GRM3: variants seen among roughly 807,000 people sequenced by gnomAD.
The protein encoded by GRM3 is metabotropic glutamate receptor 3.
GRM3 carries 26 observed loss-of-function variants against 70.5 expected under a neutral mutation model. That is an observed-to-expected ratio of 0.37 (90% CI 0.27 to 0.51). The LOEUF is 0.51. Among genes scored for constraint, GRM3 ranks in the 20% least tolerant of loss-of-function variants. The pLI, the probability that GRM3 is intolerant of heterozygous loss-of-function variation, is 0.93. For missense variants in GRM3, 859 were observed against 1,123.8 expected (o/e 0.76, Z 3.37); for synonymous variants, 443 against 434.9 (o/e 1.02, Z -0.23).
At chr7:86,768,952 AT>A (rs1796672855) in intron 2 of GRM3, among the ~76,000 whole-genome samples, 1 of 152,194 alleles carries the variant, frequency 6.6e-6, no homozygotes, top group African/African-American at 2.4e-5. Flanking sequence ...GTAGCTAAGA[AT>A]TAAAGTGTGT....
At chr7:86,719,550 T>C (rs1395838989) in intron 1 of GRM3, among the ~76,000 whole-genome samples, 1 of 152,014 alleles carries the variant, frequency 6.6e-6, no homozygotes, top group Non-Finnish European at 1.5e-5. Context: ...GGTGGACTTA[T>C]TGGGTCTAGA....
intron 1 of GRM3, among the ~76,000 whole-genome samples, chr7:86,676,971 G>C (rs1794321875): frequency 6.6e-6 from 1 of 151,850 alleles, no homozygotes; most frequent in Non-Finnish European, 1.5e-5. Context: ...ACAACAGTAG[G>C]TACCAAGGCC....
In GRM3 at chr7:86,799,166, G is replaced by A. The variant is rs1258448962; in HGVS notation, c.1324+12050G>A. Among the ~76,000 whole-genome samples the A allele has an allele frequency of 2.0e-5, 3 of 152,100 alleles. No homozygotes were observed. In the East Asian group the frequency reaches 5.8e-4, roughly 29 times the overall value. ...TTGGCTCTCTGCTCATCTATTGTTG[G>A]TGTATAGGAATGCTTGTGATTTTTG... On this transcript the variant is annotated intron_variant, in intron 3 of 5. Coordinates refer to ENST00000361669, the MANE Select transcript of GRM3 (RefSeq NM_000840.3).
intron 3 of GRM3, among the ~76,000 whole-genome samples, chr7:86,831,023 C>A (rs1024031514): frequency 1.9e-4 from 29 of 152,176 alleles, no homozygotes; most frequent in Non-Finnish European, 3.1e-4. Flanking sequence ...GAGAGATTCT[C>A]CCTCACAGTC....
intron 1 of GRM3, among the ~76,000 whole-genome samples, chr7:86,710,843 C>G (rs1351168867): frequency 6.6e-6 from 1 of 151,602 alleles, no homozygotes; most frequent in Non-Finnish European, 1.5e-5. Context: ...AACAATAAAC[C>G]AAAAGGTAGA....
At chr7:86,763,735 A>G (rs1393861388) in intron 1 of GRM3, among the ~76,000 whole-genome samples, 2 of 152,116 alleles carry the variant, frequency 1.3e-5, no homozygotes, top group East Asian at 3.9e-4. Context: ...CTCACTCTGG[A>G]TAGGGGAGGC....
chr7:86,862,121 T>C (rs1176689679), intron 5 of GRM3, among the ~76,000 whole-genome samples: 1 of 152,206 alleles, frequency 6.6e-6, no homozygotes, highest in East Asian at 1.9e-4. Flanking sequence ...AAAGGAAAGC[T>C]AAATGGAGGC....
intron 3 of GRM3, among the ~76,000 whole-genome samples, chr7:86,823,184 T>C (rs1798157986): frequency 6.6e-6 from 1 of 152,178 alleles, no homozygotes; most frequent in South Asian, 2.1e-4. Flanking sequence ...CCTGCCAATA[T>C]GCTGGACATA....
intron 1 of GRM3, among the ~76,000 whole-genome samples, chr7:86,669,491 T>C (rs1436257895): frequency 6.6e-6 from 1 of 152,202 alleles, no homozygotes; most frequent in Non-Finnish European, 1.5e-5. Context: ...TTTTCTACTC[T>C]TCACACAGTA....
intron 4 of GRM3, among the ~76,000 whole-genome samples, chr7:86,847,491 C>T (rs932022257): frequency 4.6e-5 from 7 of 152,068 alleles, no homozygotes; most frequent in African/African-American, 1.2e-4. Flanking sequence ...ATTCTAGAAG[C>T]CCACAGTATA....
intron 3 of GRM3, among the ~76,000 whole-genome samples, chr7:86,820,621 T>G (rs1036797457): frequency 7.2e-5 from 11 of 152,152 alleles, no homozygotes; most frequent in African/African-American, 2.7e-4. Flanking sequence ...TTTATAAAAA[T>G]GGCATTAACT....
At chr7:86,685,069 G>T (rs994469145) in intron 1 of GRM3, among the ~76,000 whole-genome samples, 1 of 152,072 alleles carries the variant, frequency 6.6e-6, no homozygotes, top group Admixed American at 6.6e-5. Flanking sequence ...ATTGTTGCTA[G>T]GTTCAATTTC....
chr7:86,843,734 T>C (rs539062167), intron 4 of GRM3, among the ~76,000 whole-genome samples: 75 of 152,312 alleles, frequency 4.9e-4, no homozygotes, highest in African/African-American at 1.8e-3. Flanking sequence ...CATAGGCAAG[T>C]CTCTCCTCTT....
intron 1 of GRM3, among the ~76,000 whole-genome samples, chr7:86,689,589 T>G (rs1794650309): frequency 6.6e-6 from 1 of 152,108 alleles, no homozygotes; most frequent in Non-Finnish European, 1.5e-5. Flanking sequence ...TATTTTGCAC[T>G]TATTTAGAGA....
chr7:86,864,138 C>G, intron 5 of GRM3, 144 bp from the exon 6 acceptor site: 1 of 625,064 alleles, frequency 1.6e-6, no homozygotes, highest in Non-Finnish European at 2.9e-6. Context: ...GTAGTATACA[C>G]TGAACTCCAA....
At chr7:86,821,918 T>G (rs1798128829) in intron 3 of GRM3, among the ~76,000 whole-genome samples, 1 of 152,020 alleles carries the variant, frequency 6.6e-6, no homozygotes, top group South Asian at 2.1e-4. Flanking sequence ...ATTTGTGAAA[T>G]AATTACATCT....
At chr7:86,857,045 C>T (rs1214457475) in intron 5 of GRM3, among the ~76,000 whole-genome samples, 3 of 151,982 alleles carry the variant, frequency 2.0e-5, no homozygotes, top group Non-Finnish European at 4.4e-5. Flanking sequence ...CTCTGGCCTC[C>T]CTGAATTTGC....
intron 1 of GRM3, among the ~76,000 whole-genome samples, chr7:86,655,550 A>C (rs1793713661): frequency 6.6e-6 from 1 of 152,190 alleles, no homozygotes; most frequent in Non-Finnish European, 1.5e-5. Flanking sequence ...AAAAATTAGT[A>C]TGCCTAGACC....
chr7:86,846,185 C>T (rs540224190), intron 4 of GRM3, among the ~76,000 whole-genome samples: 72 of 152,216 alleles, frequency 4.7e-4, no homozygotes, highest in African/African-American at 1.6e-3. Flanking sequence ...AAATCAGTGC[C>T]TCATCTATAT....
Sources: gnomAD v4.1 joint callset for allele counts (sites outside exome capture counted in the v4.1 genomes callset) on GRCh38, gnomAD v4.1.1 for gene constraint, MANE v1.5 for transcripts, NCBI Gene and HGNC (gene_info 2026-07-23, HGNC 2026-07-21) for gene names.